UHRF2: variants seen among roughly 807,000 people sequenced by gnomAD.
UHRF2 encodes the protein ubiquitin like with PHD and ring finger domains 2.
Under a neutral mutation model 96.8 loss-of-function variants are expected in UHRF2, and 23 were observed. The ratio of observed to expected loss-of-function variants is 0.24; its 90% CI spans 0.17 to 0.34. The LOEUF is 0.34. UHRF2 is among the 10% of genes least tolerant of loss of function. The pLI is 1.00. For missense variants in UHRF2, 685 were observed against 981.5 expected (o/e 0.70, Z 4.04); for synonymous variants, 385 against 332.6 (o/e 1.16, Z -1.72).
intron 6 of UHRF2, among the ~76,000 whole-genome samples, chr9:6,480,513 G>A (rs1163027414): frequency 6.6e-6 from 1 of 152,132 alleles, no homozygotes; most frequent in South Asian, 2.1e-4. Flanking sequence ...CTCTACATTC[G>A]TATCAAGGTC....
chr9:6,463,471 A>AT (rs774722072), intron 4 of UHRF2, among the ~76,000 whole-genome samples: 3,897 of 144,872 alleles, frequency 0.027, 140 homozygotes, highest in African/African-American at 0.084. Flanking sequence ...TATGGATAGA[A>AT]TTTTTTTTTT....
chr9:6,466,313 G>A (rs1261283955), intron 4 of UHRF2, among the ~76,000 whole-genome samples: 6 of 152,088 alleles, frequency 3.9e-5, no homozygotes, highest in Non-Finnish European at 8.8e-5. Context: ...TGAGGCGGAC[G>A]GATCACCTGA....
intron 3 of UHRF2, among the ~76,000 whole-genome samples, chr9:6,436,533 T>G (rs1159536178): frequency 2.0e-5 from 3 of 152,222 alleles, no homozygotes; most frequent in Non-Finnish European, 2.9e-5. Context: ...ACTACTACCT[T>G]GAATCTGATT....
chr9:6,434,681 T>C (rs779343728), intron 3 of UHRF2, among the ~76,000 whole-genome samples: 2 of 152,154 alleles, frequency 1.3e-5, no homozygotes, highest in Non-Finnish European at 2.9e-5. Context: ...TCAAGTGATC[T>C]GCCCCCCTTG....
rs1298382377 is a variant in UHRF2 at position 6,413,341 on chromosome 9, C to T, written c.-150C>T. 1 of 727,102 alleles carries T rather than the reference C, an allele frequency of 1.4e-6. No individual in the cohort carries two copies. The highest frequency in any genetic ancestry group is 1.8e-6 in the Non-Finnish European group (1 of 555,730). 45.0% of individuals were successfully genotyped at this position (727,102 alleles called of 1,614,324 possible). A position where few individuals can be genotyped will look rare whatever the true frequency, so the allele number is the denominator to read the frequency against. ...CGCGCTGAGAGTCGTCGCCGCCTGT[C>T]GGGCCCGGCGTCCGGTCGGTCCGGT... On this transcript the variant is annotated 5_prime_UTR_variant, in exon 1 of 16. Coordinates refer to ENST00000276893, the MANE Select transcript of UHRF2 (RefSeq NM_152896.3).
At chr9:6,422,012 C>T (rs1819960111) in intron 2 of UHRF2, among the ~76,000 whole-genome samples, 1 of 152,078 alleles carries the variant, frequency 6.6e-6, no homozygotes, top group Non-Finnish European at 1.5e-5. Context: ...TCATAGATAT[C>T]TGGGCTGTTT....
At chr9:6,448,609 G>C (rs1487357666) in intron 3 of UHRF2, among the ~76,000 whole-genome samples, 2 of 152,190 alleles carry the variant, frequency 1.3e-5, no homozygotes, top group East Asian at 3.8e-4. Context: ...CTGTGTGTTA[G>C]TAATTATAAG....
At chr9:6,504,443 A>G in intron 14 of UHRF2, 150 bp from the exon 15 acceptor site, 1 of 534,822 alleles carries the variant, frequency 1.9e-6, no homozygotes, top group Non-Finnish European at 3.3e-6. Flanking sequence ...AAATCAGGGT[A>G]ATTGGAATGT....
chr9:6,413,365 G>T lies in UHRF2; in HGVS notation c.-126G>T. 9.9e-7 allele frequency: 1 copy of T among 1,012,648 alleles called. No individual in the cohort carries two copies. Among genetic ancestry groups the T allele is most frequent in the Non-Finnish European group, 1.2e-6 (1 of 802,484 alleles). 62.7% of individuals were successfully genotyped at this position (1,012,648 alleles called of 1,614,324 possible). On this transcript the variant is annotated 5_prime_UTR_variant, in exon 1 of 16. Transcript: ENST00000276893. The stretch of plus-strand genomic sequence containing the variant: ...TCGGGCCCGGCGTCCGGTCGGTCCG[G>T]TGGGCGCGCTCGCCCGCCTGCCGCT...
At chr9:6,465,893 T>C (rs1274385550) in intron 4 of UHRF2, among the ~76,000 whole-genome samples, 1 of 152,240 alleles carries the variant, frequency 6.6e-6, no homozygotes, top group African/African-American at 2.4e-5. Context: ...ATTCTAGTTA[T>C]CAAATTCTAT....
At chr9:6,425,615 T>C (rs1820211161) in intron 2 of UHRF2, among the ~76,000 whole-genome samples, 1 of 151,368 alleles carries the variant, frequency 6.6e-6, no homozygotes, top group Non-Finnish European at 1.5e-5. Flanking sequence ...AAAAAAAAAT[T>C]AGCTGGGCGT....
chr9:6,467,608 T>G (rs1241672575), intron 4 of UHRF2, among the ~76,000 whole-genome samples: 1 of 150,870 alleles, frequency 6.6e-6, no homozygotes, highest in Non-Finnish European at 1.5e-5. Context: ...TTTTTTTTTT[T>G]TTTTTTTTTG....
intron 3 of UHRF2, among the ~76,000 whole-genome samples, chr9:6,435,757 G>C (rs944073417): frequency 1.3e-5 from 2 of 152,028 alleles, no homozygotes; most frequent in African/African-American, 4.8e-5. Context: ...ACAGGTGCTT[G>C]GTACCACACC....
chr9:6,469,510 C>G (rs1186621149), intron 4 of UHRF2, among the ~76,000 whole-genome samples: 2 of 151,400 alleles, frequency 1.3e-5, no homozygotes, highest in African/African-American at 2.4e-5. Flanking sequence ...GAGCGAGACT[C>G]TGTCTCAAAA....
In UHRF2 at chr9:6,460,893, A is replaced by G. The variant is rs112170871; in HGVS notation, c.863+102A>G. On this transcript the variant is annotated intron_variant, in intron 4 of 15. Transcript: ENST00000276893. The stretch of plus-strand genomic sequence containing the variant: ...ACCTTAGTAAAAAAAGATGGAGTCT[A>G]TAAAAGATGGAAATTTCCATACTGA... 11 of 922,886 alleles carry G rather than the reference A, an allele frequency of 1.2e-5. No homozygotes were observed. In the African/African-American group the frequency reaches 1.4e-4, roughly 11 times the overall value. The allele number at this position is 922,886 out of a possible 1,614,324, so 57.2% of individuals were successfully genotyped here.
At chr9:6,503,041 C>A (rs1816383543) in intron 14 of UHRF2, among the ~76,000 whole-genome samples, 1 of 152,166 alleles carries the variant, frequency 6.6e-6, no homozygotes, top group Non-Finnish European at 1.5e-5. Flanking sequence ...GTCTCCCAGG[C>A]TGAAGTACAG....
At chr9:6,457,214 G>C (rs1222255582) in intron 3 of UHRF2, among the ~76,000 whole-genome samples, 1 of 151,926 alleles carries the variant, frequency 6.6e-6, no homozygotes, top group Non-Finnish European at 1.5e-5. Flanking sequence ...TTTTGGTGAG[G>C]TCCTTCACAT....
chr9:6,475,353 T>C (rs766630767), intron 4 of UHRF2, 38 bp from the exon 5 acceptor site: 17 of 1,330,218 alleles, frequency 1.3e-5, no homozygotes, highest in Non-Finnish European at 1.7e-5. Flanking sequence ...CCTTAGATTT[T>C]GCTGGCAGAA....
chr9:6,449,105 T>A (rs1821697848), intron 3 of UHRF2, among the ~76,000 whole-genome samples: 1 of 152,180 alleles, frequency 6.6e-6, no homozygotes, highest in South Asian at 2.1e-4. Flanking sequence ...ATGGCCTCAT[T>A]TGTGGCCCTA....
Sources: allele counts gnomAD v4.1 joint callset (sites outside exome capture counted in the v4.1 genomes callset), GRCh38; gene constraint gnomAD v4.1.1; transcripts MANE v1.5; gene names NCBI Gene and HGNC (gene_info 2026-07-23, HGNC 2026-07-21).